CAMTA1: variants seen among roughly 807,000 people sequenced by gnomAD.
CAMTA1 encodes the protein calmodulin-binding transcription activator 1.
CAMTA1 carries 27 observed loss-of-function variants against 170.9 expected under a neutral mutation model. The observed-to-expected ratio is 0.16, with a 90% CI of 0.12 to 0.22. The LOEUF is 0.22. Among genes scored for constraint, CAMTA1 ranks in the 10% least tolerant of loss-of-function variants. CAMTA1 has a pLI of 1.00. For missense variants in CAMTA1, 1,619 were observed against 2,217.2 expected (o/e 0.73, Z 5.42); for synonymous variants, 833 against 891.5 (o/e 0.93, Z 1.17).
Position 7,747,752 on chromosome 1 carries a change from A to T in CAMTA1, c.4660A>T (p.Ile1554Phe). ...ACAGCAAGAAGTAGCTGCTGCTGTT[A>T]TTCAGCGTTGTTACAGAAAATATAA... ...REQQEVAAAV[I>F]QRCYRKYKQY... The change falls in exon 19 of 23, where the codon ATT becomes TTT. Residue 1554 changes from isoleucine (I) to phenylalanine (F), a missense_variant. Ile to Phe is a conservative substitution (Grantham distance 21). Transcript: ENST00000303635. 1 of 1,613,014 alleles carries T rather than the reference A, an allele frequency of 6.2e-7. No homozygotes were observed. Among genetic ancestry groups the T allele is most frequent in the Non-Finnish European group, 8.5e-7 (1 of 1,179,580 alleles).
At position 7,121,255 on chromosome 1, in the gene CAMTA1, G is replaced by A. The variant is rs867739866; in HGVS notation, c.302+29884G>A. Among the ~76,000 whole-genome samples the A allele has an allele frequency of 5.3e-5, 8 of 152,354 alleles. No homozygotes were observed. The East Asian group carries it at 1.5e-3, about 29-fold the overall frequency. On this transcript the variant is annotated intron_variant, in intron 4 of 22. Coordinates refer to ENST00000303635, the MANE Select transcript of CAMTA1 (RefSeq NM_015215.4). ...AGGAACATGAGCTATGTGTGTAACT[G>A]AAAGAACATGAGCTATGTGTGTAAT...
At chr1:6,939,893 T>C (rs1686134016) in intron 3 of CAMTA1, among the ~76,000 whole-genome samples, 1 of 152,258 alleles carries the variant, frequency 6.6e-6, no homozygotes. Flanking sequence ...CCCAAGCAAC[T>C]GGGCGAGTGC....
intron 4 of CAMTA1, among the ~76,000 whole-genome samples, chr1:7,155,648 C>G (rs1646833478): frequency 6.6e-6 from 1 of 151,768 alleles, no homozygotes; most frequent in African/African-American, 2.4e-5. Context: ...TCAGGCTGGT[C>G]TTGAATTCTT....
intron 3 of CAMTA1, among the ~76,000 whole-genome samples, chr1:6,990,801 CTCTCTATA>C (rs1403536010): frequency 6.9e-5 from 9 of 130,176 alleles, no homozygotes; most frequent in Non-Finnish European, 1.3e-4. Flanking sequence ...CTCTCTCTCT[CTCTCTATA>C]TATATATATA....
chr1:7,469,951 C>T (rs2093299062), intron 6 of CAMTA1, among the ~76,000 whole-genome samples: 1 of 152,228 alleles, frequency 6.6e-6, no homozygotes, highest in Non-Finnish European at 1.5e-5. Flanking sequence ...TTCCAGCCTC[C>T]GTATGCTGGA....
At chr1:6,825,311 C>T in intron 3 of CAMTA1, 101 bp downstream of exon 3, 2 of 621,610 alleles carry the variant, frequency 3.2e-6, no homozygotes, top group Non-Finnish European at 2.9e-6. Context: ...ATTTAAAATA[C>T]TGATCTAGGA....
chr1:7,425,799 G>A (rs1393361614), intron 5 of CAMTA1, among the ~76,000 whole-genome samples: 2 of 151,994 alleles, frequency 1.3e-5, no homozygotes, highest in African/African-American at 2.4e-5. Context: ...CTTCCTAGAC[G>A]AGGGGACTCC....
At chr1:7,220,286 A>T (rs960203552) in intron 4 of CAMTA1, among the ~76,000 whole-genome samples, 1 of 152,204 alleles carries the variant, frequency 6.6e-6, no homozygotes, top group African/African-American at 2.4e-5. Flanking sequence ...ATTATAGTAG[A>T]GAAATCCCAG....
chr1:7,092,833 G>A lies in CAMTA1; in HGVS notation c.302+1462G>A, dbSNP rs377015116. On this transcript the variant is annotated intron_variant, in intron 4 of 22. Transcript: ENST00000303635. The surrounding 1 kb of genome is among the most constrained non-coding windows in gnomAD (Gnocchi z 5.0). Reference sequence around the variant, plus strand: ...TAGGCTGAGGAAGCCCCCTCTGCCTGGGAAGTTGGCGTCTCCCAGAGGAGG... The same window carrying A: ...TAGGCTGAGGAAGCCCCCTCTGCCTAGGAAGTTGGCGTCTCCCAGAGGAGG... 1.3e-5 allele frequency among the ~76,000 whole-genome samples: 2 copies of A among 152,334 alleles called. No individual in the cohort carries two copies. The highest frequency in any genetic ancestry group is 2.1e-4 in the South Asian group (1 of 4,828).
intron 5 of CAMTA1, among the ~76,000 whole-genome samples, chr1:7,255,247 T>C (rs1667189693): frequency 6.6e-6 from 1 of 151,918 alleles, no homozygotes; most frequent in Non-Finnish European, 1.5e-5. Flanking sequence ...GTAACAAAAC[T>C]GCATGTTCTG....
intron 6 of CAMTA1, among the ~76,000 whole-genome samples, chr1:7,469,139 T>G (rs2093279640): frequency 6.6e-6 from 1 of 152,204 alleles, no homozygotes; most frequent in African/African-American, 2.4e-5. Context: ...TCCGGGGACG[T>G]GCTGATTTGC....
In CAMTA1 at chr1:7,561,253, T is replaced by C. The variant is rs553977912; in HGVS notation, c.511-79147T>C. Among the ~76,000 whole-genome samples, 1 of 151,808 alleles carries C rather than the reference T, an allele frequency of 6.6e-6. No homozygotes were observed. Among genetic ancestry groups the C allele is most frequent in the Non-Finnish European group, 1.5e-5 (1 of 67,890 alleles). ...CAGGAGCACCTGGATCTGATATTGA[T>C]CATCCCAGCCCCTCTACCATCTGCT... On this transcript the variant is annotated intron_variant, in intron 6 of 22. Transcript: ENST00000303635. The surrounding 1 kb of genome is among the most constrained non-coding windows in gnomAD (Gnocchi z 5.3).
rs1708804331 is a variant in CAMTA1 at position 7,065,198 on chromosome 1, C to T, written c.235-26106C>T. On this transcript the variant is annotated intron_variant, in intron 3 of 22. Coordinates refer to ENST00000303635, the MANE Select transcript of CAMTA1 (RefSeq NM_015215.4). This position sits in a 1 kb window ranked among gnomAD's most constrained non-coding sequence, Gnocchi z 5.2. ...ACCTGAGTTTGTAAGTCATCAACAA[C>T]ATCTGGCAGGGCTCAGGCACTTAGA... is the stretch of plus-strand genomic sequence containing the variant. Among the ~76,000 whole-genome samples the T allele has an allele frequency of 6.6e-6, 1 of 152,148 alleles. No homozygotes were observed. The highest frequency in any genetic ancestry group is 1.5e-5 in the Non-Finnish European group (1 of 68,030).
chr1:7,659,440 A>G (rs1369453060), intron 7 of CAMTA1, among the ~76,000 whole-genome samples: 2 of 152,184 alleles, frequency 1.3e-5, no homozygotes, highest in Non-Finnish European at 2.9e-5. Flanking sequence ...AGGCTGAGGC[A>G]GAAGAATCGC....
intron 5 of CAMTA1, among the ~76,000 whole-genome samples, chr1:7,253,966 C>A (rs2149322973): frequency 6.6e-6 from 1 of 152,134 alleles, no homozygotes; most frequent in African/African-American, 2.4e-5. Flanking sequence ...CTAAAAAAAT[C>A]AATCATGCAA....
intron 5 of CAMTA1, among the ~76,000 whole-genome samples, chr1:7,374,696 C>T (rs1047641476): frequency 2.0e-5 from 3 of 152,318 alleles, no homozygotes; most frequent in African/African-American, 7.2e-5. Flanking sequence ...TGGGCATGCA[C>T]GCTCACCAGA....
intron 16 of CAMTA1, among the ~76,000 whole-genome samples, chr1:7,742,933 A>G (rs149363078): frequency 0.016 from 2,436 of 152,210 alleles, 29 homozygotes; most frequent in Non-Finnish European, 0.023. Context: ...GGTTCAAGCA[A>G]TTCTCCTGCC....
In CAMTA1 at chr1:7,424,803, G is replaced by T. The variant is rs1019805330; in HGVS notation, c.439-43027G>T. On this transcript the variant is annotated intron_variant, in intron 5 of 22. Transcript: ENST00000303635. The stretch of plus-strand genomic sequence containing the variant: ...GTCCTTGGCCAAGTTCAACAGTCTG[G>T]GCCTGCAGTGGGGAAGCCATCCCTG... Among the ~76,000 whole-genome samples, 2 of 152,146 alleles carry T rather than the reference G, an allele frequency of 1.3e-5. 1 individual carries two copies. The highest frequency in any genetic ancestry group is 4.2e-4 in the South Asian group (2 of 4,798).
At chr1:7,516,420 G>A (rs1041577338) in intron 6 of CAMTA1, among the ~76,000 whole-genome samples, 2 of 152,206 alleles carry the variant, frequency 1.3e-5, no homozygotes, top group African/African-American at 4.8e-5. Flanking sequence ...GGCAGCTGGG[G>A]CAGCCAGGGA....
Sources: gnomAD v4.1 joint callset for allele counts (sites outside exome capture counted in the v4.1 genomes callset) on GRCh38, gnomAD v4.1.1 for gene constraint, Gnocchi (gnomAD v3.1) non-coding constraint, MANE v1.5 for transcripts, NCBI Gene and HGNC (gene_info 2026-07-23, HGNC 2026-07-21) for gene names.